DLG2: variants seen among roughly 807,000 people sequenced by gnomAD.
DLG2 encodes the protein discs large MAGUK scaffold protein 2, also known as disks large homolog 2.
A neutral mutation model predicts 132.5 loss-of-function variants in DLG2; 45 were observed. That is an observed-to-expected ratio of 0.34 (90% CI 0.27 to 0.44). The LOEUF (loss-of-function observed/expected upper bound fraction) is 0.44, where lower values mean the gene tolerates loss of function less well. Ranked by LOEUF, DLG2 falls within the 20% of genes least tolerant of loss-of-function variation. DLG2 has a pLI of 1.00. For missense variants in DLG2, 1,045 were observed against 1,196.9 expected (o/e 0.87, Z 1.87); for synonymous variants, 424 against 419.6 (o/e 1.01, Z -0.13).
intron 7 of DLG2, among the ~76,000 whole-genome samples, chr11:84,318,441 A>G (rs1192696530): frequency 1.3e-5 from 2 of 152,328 alleles, no homozygotes; most frequent in South Asian, 2.1e-4. Context: ...TAATCCTATG[A>G]AATAATTACT....
chr11:83,590,440 A>G (rs1224749983), intron 19 of DLG2, among the ~76,000 whole-genome samples: 1 of 152,188 alleles, frequency 6.6e-6, no homozygotes, highest in Non-Finnish European at 1.5e-5. Context: ...CTTTGAAACC[A>G]ATGAGAACAA....
chr11:84,815,338 G>A, intron 6 of DLG2, among the ~76,000 whole-genome samples: 1 of 152,036 alleles, frequency 6.6e-6, no homozygotes, highest in East Asian at 1.9e-4. Flanking sequence ...CCCAGGACAT[G>A]GAATCCTGGT....
chr11:85,061,175 G>A (rs2064093277), intron 6 of DLG2, among the ~76,000 whole-genome samples: 1 of 151,496 alleles, frequency 6.6e-6, no homozygotes, highest in Non-Finnish European at 1.5e-5. Flanking sequence ...CATTCCATAG[G>A]TTGCCTTTTC....
intron 3 of DLG2, among the ~76,000 whole-genome samples, chr11:85,292,413 CA>C (rs2078950008): frequency 6.6e-6 from 1 of 151,530 alleles, no homozygotes; most frequent in African/African-American, 2.4e-5. Flanking sequence ...AGCCTAGACC[CA>C]GTGAAAGCAA....
intron 7 of DLG2, among the ~76,000 whole-genome samples, chr11:84,528,696 A>G (rs975804280): frequency 6.6e-6 from 1 of 152,214 alleles, no homozygotes; most frequent in Admixed American, 6.5e-5. Context: ...CAGACAGATA[A>G]AAGAAGGCAA....
At chr11:84,357,437 T>C (rs914491061) in intron 7 of DLG2, among the ~76,000 whole-genome samples, 4 of 152,152 alleles carry the variant, frequency 2.6e-5, no homozygotes, top group African/African-American at 7.2e-5. Context: ...CTATTACATG[T>C]TTTCACCGCA....
At chr11:84,507,660 G>A (rs148472350) in intron 7 of DLG2, among the ~76,000 whole-genome samples, 4 of 152,242 alleles carry the variant, frequency 2.6e-5, no homozygotes, top group East Asian at 1.9e-4. Flanking sequence ...TGCCTAGTCC[G>A]TTGAGAGTTT....
intron 6 of DLG2, among the ~76,000 whole-genome samples, chr11:84,994,443 C>A (rs1291657694): frequency 6.6e-6 from 1 of 152,140 alleles, no homozygotes; most frequent in Non-Finnish European, 1.5e-5. Flanking sequence ...AGCCAACTAG[C>A]CACTGAAGTT....
rs542513383 is a variant in DLG2 at position 84,185,714 on chromosome 11, T to C, written c.574-22203A>G. Reference sequence around the variant, plus strand: ...TATGATATTGGCTGTGGGTTTGTCATAGATATCTCTTATTATTTTGAGGTA... The same window carrying C: ...TATGATATTGGCTGTGGGTTTGTCACAGATATCTCTTATTATTTTGAGGTA... On this transcript the variant is annotated intron_variant, in intron 8 of 27. Coordinates refer to ENST00000376104, the MANE Select transcript of DLG2 (RefSeq NM_001142699.3). Among the ~76,000 whole-genome samples, 8 of 152,334 alleles carry C rather than the reference T, an allele frequency of 5.3e-5. No homozygotes were observed. In the South Asian group the frequency reaches 1.4e-3, roughly 28 times the overall value.
intron 4 of DLG2, among the ~76,000 whole-genome samples, chr11:85,183,173 G>A (rs750999205): frequency 2.6e-5 from 4 of 151,820 alleles, no homozygotes; most frequent in Non-Finnish European, 4.4e-5. Context: ...TCTGAAGTAC[G>A]TGATCCAGTA....
chr11:84,362,850 G>T (rs1174431542), intron 7 of DLG2, among the ~76,000 whole-genome samples: 19 of 152,034 alleles, frequency 1.2e-4, no homozygotes, highest in East Asian at 3.9e-4. Flanking sequence ...CATCATTTTT[G>T]ATGGCTGCAT....
chr11:83,642,631 A>G (rs2066907125), intron 18 of DLG2, among the ~76,000 whole-genome samples: 1 of 152,208 alleles, frequency 6.6e-6, no homozygotes, highest in African/African-American at 2.4e-5. Flanking sequence ...TAGATTCATA[A>G]AGGCAGATTT....
intron 18 of DLG2, among the ~76,000 whole-genome samples, chr11:83,773,870 C>T (rs114046998): frequency 0.016 from 2,460 of 152,294 alleles, 68 homozygotes; most frequent in African/African-American, 0.056. Flanking sequence ...TTACTTTCTA[C>T]TGGAAAAATA....
chr11:84,479,347 T>G (rs909446639), intron 7 of DLG2, among the ~76,000 whole-genome samples: 1 of 152,130 alleles, frequency 6.6e-6, no homozygotes, highest in African/African-American at 2.4e-5. Context: ...GATGGTGACG[T>G]GAAGGCTCTG....
At chr11:85,105,692 T>C (rs1328322055) in intron 6 of DLG2, among the ~76,000 whole-genome samples, 1 of 151,884 alleles carries the variant, frequency 6.6e-6, no homozygotes, top group Non-Finnish European at 1.5e-5. Flanking sequence ...TGGCTTCGAT[T>C]TATAAGAGGA....
intron 3 of DLG2, among the ~76,000 whole-genome samples, chr11:85,595,147 G>C (rs1020798472): frequency 6.7e-6 from 1 of 148,698 alleles, no homozygotes; most frequent in Non-Finnish European, 1.5e-5. Flanking sequence ...CCTAATAAAA[G>C]TGCCTTGAAA....
At chr11:85,005,229 T>G (rs917647783) in intron 6 of DLG2, among the ~76,000 whole-genome samples, 1 of 152,240 alleles carries the variant, frequency 6.6e-6, no homozygotes, top group African/African-American at 2.4e-5. Context: ...TGGTTCCTTA[T>G]GAAATTTAAA....
At chr11:85,347,565 C>T (rs79747489) in intron 3 of DLG2, among the ~76,000 whole-genome samples, 1 of 151,948 alleles carries the variant, frequency 6.6e-6, no homozygotes, top group Non-Finnish European at 1.5e-5. Context: ...CTCCTCTGTC[C>T]CCTATATAAA....
At chr11:84,393,337 A>G (rs1310427500) in intron 7 of DLG2, among the ~76,000 whole-genome samples, 3 of 152,210 alleles carry the variant, frequency 2.0e-5, no homozygotes, top group Non-Finnish European at 4.4e-5. Context: ...ATAGAAGAGT[A>G]TATAAAATAT....
Sources: allele counts gnomAD v4.1 joint callset (sites outside exome capture counted in the v4.1 genomes callset), GRCh38; gene constraint gnomAD v4.1.1; transcripts MANE v1.5; gene names NCBI Gene and HGNC (gene_info 2026-07-23, HGNC 2026-07-21).